The following PELI1 variants were observed in gnomAD, a reference collection of about 807,000 sequenced individuals.
PELI1 encodes the protein pellino E3 ubiquitin protein ligase 1, also known as E3 ubiquitin-protein ligase pellino homolog 1.
Under a neutral mutation model 41.3 loss-of-function variants are expected in PELI1, and 15 were observed. That is an observed-to-expected ratio of 0.36 (90% CI 0.24 to 0.56). The LOEUF (loss-of-function observed/expected upper bound fraction) is 0.56, where lower values mean the gene tolerates loss of function less well. Ranked by LOEUF, PELI1 falls within the 20% of genes least tolerant of loss-of-function variation. PELI1 has a pLI of 0.82. For synonymous variants in PELI1, 178 were observed against 180.1 expected, an observed-to-expected ratio of 0.99 and a Z score of 0.09; for missense variants, 403 against 525.5, an observed-to-expected ratio of 0.77 and a Z score of 2.28.
chr2:64,119,965 A>G (rs1195763401), intron 1 of PELI1, among the ~76,000 whole-genome samples: 2 of 152,242 alleles, frequency 1.3e-5, no homozygotes, highest in African/African-American at 4.8e-5. Flanking sequence ...CTATTAAGTG[A>G]AACTGATTTT....
chr2:64,111,322 G>A (rs1415977167), intron 1 of PELI1, among the ~76,000 whole-genome samples: 1 of 152,134 alleles, frequency 6.6e-6, no homozygotes, highest in African/African-American at 2.4e-5. Context: ...CAAAGGAAAA[G>A]TCAATGAATA....
chr2:64,141,559 G>C (rs1681916192), intron 1 of PELI1, among the ~76,000 whole-genome samples: 1 of 152,090 alleles, frequency 6.6e-6, no homozygotes, highest in African/African-American at 2.4e-5. Flanking sequence ...AACATTAGTT[G>C]TCCACGAAGC....
intron 2 of PELI1, 150 bp from the exon 3 acceptor site, chr2:64,104,980 C>A: frequency 1.6e-6 from 1 of 620,612 alleles, no homozygotes. Flanking sequence ...AACTGTTGAT[C>A]TCCATACCAG....
chr2:64,098,979 T>C (rs1395233981), intron 4 of PELI1, among the ~76,000 whole-genome samples: 1 of 152,208 alleles, frequency 6.6e-6, no homozygotes, highest in African/African-American at 2.4e-5. Flanking sequence ...CTTCATTAGA[T>C]GGTGAAGACA....
intron 3 of PELI1, among the ~76,000 whole-genome samples, chr2:64,103,071 G>A (rs761004687): frequency 6.6e-6 from 1 of 151,926 alleles, no homozygotes; most frequent in Non-Finnish European, 1.5e-5. Context: ...TCGAACTCCC[G>A]AGCTCAAGTG....
At chr2:64,143,005 C>T (rs1484019968) in intron 1 of PELI1, among the ~76,000 whole-genome samples, 1 of 152,154 alleles carries the variant, frequency 6.6e-6, no homozygotes, top group East Asian at 1.9e-4. Flanking sequence ...TTCTCAATAA[C>T]ATTTGTTGAT....
intron 1 of PELI1, among the ~76,000 whole-genome samples, chr2:64,139,068 T>C (rs1017213038): frequency 2.0e-5 from 3 of 152,188 alleles, no homozygotes; most frequent in Non-Finnish European, 2.9e-5. Flanking sequence ...AAAAAGTACA[T>C]TCTCACACCT....
At position 64,102,834 on chromosome 2, in the gene PELI1, TC is replaced by T. The variant is rs368403714; in HGVS notation, c.201+1866del. ...CCAAAATTTAAAGAGGAGGAGTCAATCTTTTTTTTTTTTTTTTTTTTAAACT... is the reference window on the plus strand; with the variant it reads ...CCAAAATTTAAAGAGGAGGAGTCAATTTTTTTTTTTTTTTTTTTTTAAACT... On this transcript the variant is annotated intron_variant, in intron 3 of 6. Coordinates refer to ENST00000358912, the MANE Select transcript of PELI1 (RefSeq NM_020651.4). Among the ~76,000 whole-genome samples the T allele has an allele frequency of 2.1e-5, 3 of 141,266 alleles. No individual in the cohort carries two copies. In the South Asian group the frequency reaches 6.9e-4, roughly 33 times the overall value. 92.7% of individuals were successfully genotyped at this position (141,266 alleles called of 152,430 possible). A position where few individuals can be genotyped will look rare whatever the true frequency, so the allele number is the denominator to read the frequency against.
At chr2:64,117,381 C>T (rs1053823159) in intron 1 of PELI1, among the ~76,000 whole-genome samples, 1 of 151,020 alleles carries the variant, frequency 6.6e-6, no homozygotes, top group Non-Finnish European at 1.5e-5. Context: ...ATATAATAGA[C>T]CTGGAAATAC....
At chr2:64,136,558 A>T (rs1001735319) in intron 1 of PELI1, among the ~76,000 whole-genome samples, 2 of 152,236 alleles carry the variant, frequency 1.3e-5, no homozygotes, top group African/African-American at 2.4e-5. Context: ...TTAACTACAT[A>T]ATAAAAGTTC....
intron 1 of PELI1, among the ~76,000 whole-genome samples, chr2:64,117,502 G>A (rs1681038039): frequency 6.6e-6 from 1 of 151,536 alleles, no homozygotes; most frequent in South Asian, 2.1e-4. Context: ...TCTAAATAGA[G>A]CATATATTCT....
intron 6 of PELI1, 45 bp downstream of exon 6, chr2:64,096,080 A>T (rs553403481): frequency 1.5e-6 from 2 of 1,309,354 alleles, no homozygotes; most frequent in Non-Finnish European, 1.1e-6. Context: ...TACTCATCCT[A>T]TGTGTTTATT....
At position 64,093,457 on chromosome 2, in the gene PELI1, AG is replaced by A; in HGVS notation, c.*1244del. ...TGCCTTTGAAAAAAGGGTGGGAAGG[AG>A]GGGAGAGAAGAAACTTTTCTTGCTT... On this transcript the variant is annotated 3_prime_UTR_variant, in exon 7 of 7. Transcript: ENST00000358912. The A allele has an allele frequency of 6.6e-6, 1 of 152,642 alleles. No homozygotes were observed. Among genetic ancestry groups the A allele is most frequent in the East Asian group, 1.9e-4 (1 of 5,204 alleles). 9.5% of individuals were successfully genotyped at this position (152,642 alleles called of 1,614,324 possible). A position where few individuals can be genotyped will look rare whatever the true frequency, so the allele number is the denominator to read the frequency against.
intron 4 of PELI1, among the ~76,000 whole-genome samples, chr2:64,097,923 C>T (rs1256980329): frequency 6.6e-6 from 1 of 151,988 alleles, no homozygotes; most frequent in Non-Finnish European, 1.5e-5. Context: ...ATAAAGATAC[C>T]TTAAATGGCC....
rs1680243036 is a variant in PELI1, at chr2:64,096,521, T to C, written c.393A>G (p.Gln131=). The C allele has an allele frequency of 6.2e-7, 1 of 1,610,488 alleles. No individual in the cohort carries two copies. The highest frequency in any genetic ancestry group is 1.3e-5 in the African/African-American group (1 of 74,850). Residue 131 remains glutamine, a synonymous_variant, in exon 5 of 7, where the codon CAA becomes CAG. Coordinates refer to ENST00000358912, the MANE Select transcript of PELI1 (RefSeq NM_020651.4). ...SQSNSDTQSV[Q]STISRFACRI... is the part of the protein sequence containing the mutation. Reference sequence around the variant, plus strand: ...TGCAGGCAAATCTTGATATAGTGCTTTGTACTGACTGTGTATCAGAATTAC... The same window carrying C: ...TGCAGGCAAATCTTGATATAGTGCTCTGTACTGACTGTGTATCAGAATTAC...
chr2:64,136,052 T>G (rs1681706367), intron 1 of PELI1, among the ~76,000 whole-genome samples: 1 of 152,250 alleles, frequency 6.6e-6, no homozygotes, highest in South Asian at 2.1e-4. Flanking sequence ...TATTCATTTA[T>G]TCCACAAAAA....
chr2:64,094,586 T>G lies in PELI1; in HGVS notation c.*116A>C. The G allele has an allele frequency of 1.6e-6, 1 of 609,866 alleles. No homozygotes were observed. Among genetic ancestry groups the G allele is most frequent in the South Asian group, 3.0e-5 (1 of 32,938 alleles). The allele number at this position is 609,866 out of a possible 1,614,324, so 37.8% of individuals were successfully genotyped here. On this transcript the variant is annotated 3_prime_UTR_variant, in exon 7 of 7. Coordinates refer to ENST00000358912, the MANE Select transcript of PELI1 (RefSeq NM_020651.4). ...ATTTATTATAAATGTTTTAAAAAAT[T>G]CTTCATCTTAATGCAAATGACCAGA...
At chr2:64,121,635 A>G (rs559433852) in intron 1 of PELI1, among the ~76,000 whole-genome samples, 145 of 152,302 alleles carry the variant, frequency 9.5e-4, no homozygotes, top group Non-Finnish European at 1.8e-3. Flanking sequence ...GCCAGGTGCC[A>G]TGGCCCACGC....
intron 1 of PELI1, among the ~76,000 whole-genome samples, chr2:64,131,469 A>T (rs930082049): frequency 4.6e-5 from 7 of 152,058 alleles, no homozygotes; most frequent in Admixed American, 3.9e-4. Flanking sequence ...ATTTTTTATT[A>T]TATTTGTTTT....
Sources: allele counts gnomAD v4.1 joint callset (sites outside exome capture counted in the v4.1 genomes callset), GRCh38; gene constraint gnomAD v4.1.1; transcripts MANE v1.5; gene names NCBI Gene and HGNC (gene_info 2026-07-23, HGNC 2026-07-21).